Variants in CHTF18 observed in about 807,000 individuals in gnomAD.
The protein encoded by CHTF18 is chromosome transmission fidelity factor 18.
Under a neutral mutation model 113.4 loss-of-function variants are expected in CHTF18, and 151 were observed. The observed-to-expected ratio is 1.33, with a 90% CI of 1.17 to 1.52. The LOEUF is 1.52. CHTF18 is among the 40% of genes most tolerant of loss of function. The pLI, the probability that CHTF18 is intolerant of heterozygous loss-of-function variation, is 0.00. For synonymous variants in CHTF18, 916 were observed against 598.8 expected (o/e 1.53, Z -7.74); for missense variants, 1,982 against 1,381.6 (o/e 1.43, Z -6.89).
In CHTF18 at chr16:789,205, C is replaced by T. The variant is rs758048344; in HGVS notation, c.287-5C>T. 3.9e-6 allele frequency: 6 copies of T among 1,550,842 alleles called. No individual in the cohort carries two copies. The highest frequency in any genetic ancestry group is 3.6e-5 in the South Asian group (3 of 84,166). On this transcript the variant is annotated splice_polypyrimidine_tract_variant and splice_region_variant and intron_variant, in intron 2 of 21. Coordinates refer to ENST00000262315, the MANE Select transcript of CHTF18 (RefSeq NM_022092.3). ...CCTCTGGTTCCCTGCATGTGTCTCCCCCAGCCCCCAGGATCAAACGGCCTA... is the reference window on the plus strand; with the variant it reads ...CCTCTGGTTCCCTGCATGTGTCTCCTCCAGCCCCCAGGATCAAACGGCCTA...
rs1276337829 is a variant in CHTF18, at chr16:792,440, C to T, written c.1328C>T (p.Ala443Val). Residue 443 changes from alanine to valine, a missense_variant and splice_region_variant, in exon 11 of 22, where the codon GCC (alanine) becomes GTC (valine). Transcript: ENST00000262315. Reference protein sequence around the residue: ...VIDEIDGAPVAAINVLLSILN... With the variant: ...VIDEIDGAPVVAINVLLSILN... The stretch of plus-strand genomic sequence containing the variant: ...CCGTGTCCTCTGACCTCCCCCAAGG[C>T]CGCCATCAACGTCCTCCTGAGCATC... 1.9e-6 allele frequency: 3 copies of T among 1,561,310 alleles called. No individual in the cohort carries two copies. Among genetic ancestry groups the T allele is most frequent in the African/African-American group, 1.4e-5 (1 of 73,684 alleles).
rs755404794 is a variant in CHTF18 at position 793,126 on chromosome 16, C to T, written c.1672-18C>T. On this transcript the variant is annotated intron_variant, in intron 13 of 21. Coordinates refer to ENST00000262315, the MANE Select transcript of CHTF18 (RefSeq NM_022092.3). Reference sequence around the variant, plus strand: ...GGTCAGGAGTTGGCCGCTTCTCATGCCCCCGCCCTATGTCTAGTTCCTGTA... The same window carrying T: ...GGTCAGGAGTTGGCCGCTTCTCATGTCCCCGCCCTATGTCTAGTTCCTGTA... 40 of 1,584,638 alleles carry T rather than the reference C, an allele frequency of 2.5e-5. No homozygotes were observed. Among genetic ancestry groups the T allele is most frequent in the Middle Eastern group, 2.0e-4 (1 of 5,114 alleles).
At chr16:791,736 A>G (rs2042201747) in intron 8 of CHTF18, 115 bp from the exon 9 acceptor site, 9 of 1,456,214 alleles carry the variant, frequency 6.2e-6, no homozygotes, top group Non-Finnish European at 7.2e-6. Flanking sequence ...TGATGGCTGG[A>G]GTGGGGTGGA....
Position 789,563 on chromosome 16 carries a change from G to A in CHTF18, c.454G>A (p.Ala152Thr). The A allele has an allele frequency of 6.2e-7, 1 of 1,602,842 alleles. No individual in the cohort carries two copies. Among genetic ancestry groups the A allele is most frequent in the Non-Finnish European group, 8.5e-7 (1 of 1,175,874 alleles). Reference protein sequence around the residue: ...LWGHGVSEAAADVGLTRASPA... With the variant: ...LWGHGVSEAATDVGLTRASPA... ...TCTCTCCAGAGTCTCAGAAGCTGCT[G>A]CCGACGTGGGTCTCACACGGGCCTC... The change falls in exon 4 of 22, where the codon GCC (alanine) becomes ACC (threonine). Residue 152 changes from alanine to threonine, a missense_variant. Transcript: ENST00000262315.
chr16:797,762 GGGTGTTGT>G lies in CHTF18; in HGVS notation c.2791+14_2791+21del. 1.2e-6 allele frequency: 2 copies of G among 1,610,178 alleles called. No homozygotes were observed. Among genetic ancestry groups the G allele is most frequent in the Non-Finnish European group, 1.7e-6 (2 of 1,179,470 alleles). On this transcript the variant is annotated intron_variant, in intron 21 of 21. Transcript: ENST00000262315. ...CAGTCCCGAGTGCAGGTGTGTGTGG[GGGTGTTGT>G]GGGGTTGTGGGGGGCCTGGGGGTTG...
chr16:794,773 GC>G, intron 15 of CHTF18: 1 of 299,436 alleles, frequency 3.3e-6, no homozygotes, highest in Non-Finnish European at 6.3e-6. Flanking sequence ...ACTCTGGTGG[GC>G]GGAACTTCCT....
Position 789,360 on chromosome 16 carries a change from G to A in CHTF18, c.437G>A (p.Gly146Glu), listed in dbSNP as rs764038106. 12 of 1,584,490 alleles carry A rather than the reference G, an allele frequency of 7.6e-6. No homozygotes were observed. Among genetic ancestry groups the A allele is most frequent in the Non-Finnish European group, 1.0e-5 (12 of 1,166,562 alleles). Residue 146 changes from glycine to glutamate, a missense_variant and splice_region_variant, in exon 3 of 22, where the codon GGA becomes GAA. Coordinates refer to ENST00000262315, the MANE Select transcript of CHTF18 (RefSeq NM_022092.3). ...GACCTCGCAGAGCTTTGGGGCCACG[G>A]GTGTGTGGCTTGGACATGGGCGTCC... ...PEDLAELWGHGVSEAAADVGL... is the reference protein window; with the variant it reads ...PEDLAELWGHEVSEAAADVGL...
chr16:797,027 C>T lies in CHTF18; in HGVS notation c.2668C>T (p.Pro890Ser). The T allele has an allele frequency of 6.4e-7, 1 of 1,560,038 alleles. No homozygotes were observed. Among genetic ancestry groups the T allele is most frequent in the Non-Finnish European group, 8.7e-7 (1 of 1,152,644 alleles). Residue 890 changes from proline to serine, a missense_variant, in exon 20 of 22, where the codon CCT becomes TCT. By Grantham distance (74) the Pro-to-Ser change is moderately conservative. Coordinates refer to ENST00000262315, the MANE Select transcript of CHTF18 (RefSeq NM_022092.3). ...GGIGEKGVHR[P>S]APRNHEQRLE... ...CATTGGGGAGAAAGGGGTGCACCGA[C>T]CTGCCCCACGCAACCATGAGCAGCG...
In CHTF18 at chr16:796,991, C is replaced by T. The variant is rs1449899072; in HGVS notation, c.2632C>T (p.Leu878=). ...VDGSPPGLEG[L]LGGIGEKGVH... ...TGGGAGCCCCCCAGGGCTCGAGGGT[C>T]TGCTGGGGGGCATTGGGGAGAAAGG... is the stretch of plus-strand genomic sequence containing the variant. Residue 878 remains leucine (L), a synonymous_variant, in exon 20 of 22, where the codon CTG becomes TTG. Coordinates refer to ENST00000262315, the MANE Select transcript of CHTF18 (RefSeq NM_022092.3). 1.3e-6 allele frequency: 2 copies of T among 1,539,164 alleles called. No homozygotes were observed. Among genetic ancestry groups the T allele is most frequent in the Non-Finnish European group, 1.8e-6 (2 of 1,142,090 alleles).
At chr16:790,777 T>C (rs1273128310) in intron 7 of CHTF18, 111 bp downstream of exon 7, 1 of 1,437,856 alleles carries the variant, frequency 7.0e-7, no homozygotes, top group Admixed American at 2.9e-5. Flanking sequence ...GGAGACGGAG[T>C]GGGCTCTGGT....
rs899530681 is a variant in CHTF18 at position 793,578 on chromosome 16, C to T, written c.1802+304C>T. 66 of 554,360 alleles carry T rather than the reference C, an allele frequency of 1.2e-4. No individual in the cohort carries two copies. In the South Asian group the frequency reaches 1.3e-3, roughly 11 times the overall value. 34.3% of individuals were successfully genotyped at this position (554,360 alleles called of 1,614,324 possible). On this transcript the variant is annotated intron_variant, in intron 14 of 21. Transcript: ENST00000262315. ...TGACTCAGCTGCTGTCCCAGTTGCA[C>T]CCTCATTTTTGCCACATTTGGCCTG...
At position 790,113 on chromosome 16, in the gene CHTF18, G is replaced by A. The variant is rs769201550; in HGVS notation, c.607-64G>A. 1.0e-5 allele frequency: 16 copies of A among 1,543,766 alleles called. 1 individual carries two copies. The highest frequency in any genetic ancestry group is 1.2e-5 in the Non-Finnish European group (14 of 1,147,788). ...CCACCCGGGTCCCTGAGCACTGATG[G>A]GGGCTGACGTGAATCCTGTGACCTA... is the stretch of plus-strand genomic sequence containing the variant. On this transcript the variant is annotated intron_variant, in intron 4 of 21. Coordinates refer to ENST00000262315, the MANE Select transcript of CHTF18 (RefSeq NM_022092.3).
rs745495382 is a variant in CHTF18, at chr16:795,324, C to G, written c.2143C>G (p.Pro715Ala). Reference sequence around the variant, plus strand: ...TGTGCTGTTTGCTTCCAGCCACACACCCAGGATCACCTTCCCCAGCAGCCA... The same window carrying G: ...TGTGCTGTTTGCTTCCAGCCACACAGCCAGGATCACCTTCCCCAGCAGCCA... The part of the protein sequence containing the change: ...FHVLFASSHT[P>A]RITFPSSQQE... Residue 715 changes from proline to alanine, a missense_variant, in exon 16 of 22, where the codon CCC becomes GCC. Transcript: ENST00000262315. The G allele has an allele frequency of 1.3e-6, 2 of 1,548,212 alleles. No homozygotes were observed. Among genetic ancestry groups the G allele is most frequent in the African/African-American group, 2.7e-5 (2 of 72,898 alleles).
At chr16:790,940 C>T (rs531219172) in intron 7 of CHTF18, 4 of 1,434,758 alleles carry the variant, frequency 2.8e-6, no homozygotes, top group East Asian at 2.5e-5. Flanking sequence ...CTGGAGTGCC[C>T]CTGGGGAGGG....
rs1327366762 is a variant in CHTF18 at position 791,240 on chromosome 16, C to T, written c.974C>T (p.Pro325Leu). 6.2e-7 allele frequency: 1 copy of T among 1,611,076 alleles called. No individual in the cohort carries two copies. Among genetic ancestry groups the T allele is most frequent in the Non-Finnish European group, 8.5e-7 (1 of 1,179,378 alleles). The change falls in exon 8 of 22, where the codon CCC becomes CTC. Residue 325 changes from proline to leucine, a missense_variant. Pro to Leu is a moderately conservative substitution (Grantham distance 98, BLOSUM62 -3). Transcript: ENST00000262315. ...GGCCACGAGAGGCCTTCCCGGAAGC[C>T]CAGGCCCAGTGTTGAGCCGGCCCGG... is the stretch of plus-strand genomic sequence containing the variant. ...VFGHERPSRK[P>L]RPSVEPARVS...
chr16:792,221 C>T lies in CHTF18; in HGVS notation c.1203-3C>T. The T allele has an allele frequency of 6.4e-7, 1 of 1,570,926 alleles. No individual in the cohort carries two copies. The highest frequency in any genetic ancestry group is 1.8e-5 in the Admixed American group (1 of 54,796). On this transcript the variant is annotated splice_region_variant and splice_polypyrimidine_tract_variant and intron_variant, in intron 9 of 21. Transcript: ENST00000262315. ...CTGACGACCCCTGACCTCCCCATTGCAGTGACGACCGTAGCCCGGAGGTCT... is the reference window on the plus strand; with the variant it reads ...CTGACGACCCCTGACCTCCCCATTGTAGTGACGACCGTAGCCCGGAGGTCT...
rs750623703 is a variant in CHTF18, at chr16:795,935, C to T, written c.2326-12C>T. On this transcript the variant is annotated splice_polypyrimidine_tract_variant and intron_variant, in intron 17 of 21. Coordinates refer to ENST00000262315, the MANE Select transcript of CHTF18 (RefSeq NM_022092.3). ...CTGCTCAGCTCCCTGTCTGCTGCCT[C>T]CCATCCCCTAGGTGAGCACACAGCT... 9 of 1,603,616 alleles carry T rather than the reference C, an allele frequency of 5.6e-6. No individual in the cohort carries two copies. In the Admixed American group the frequency reaches 8.4e-5, roughly 15 times the overall value.
In CHTF18 at chr16:790,228, G is replaced by A. The variant is rs1231552438; in HGVS notation, c.658G>A (p.Gly220Ser). 1 of 1,606,628 alleles carries A rather than the reference G, an allele frequency of 6.2e-7. No individual in the cohort carries two copies. ...WRGGGQLDLLGVSLASLKKQV... is the reference protein window; with the variant it reads ...WRGGGQLDLLSVSLASLKKQV... ...AGGCGGTGGCCAGCTGGACCTGCTG[G>A]GTGTGTCCTTAGCCTCCCTGAAGAA... Residue 220 changes from glycine (G) to serine (S), a missense_variant, in exon 5 of 22, where the codon GGT becomes AGT. Coordinates refer to ENST00000262315, the MANE Select transcript of CHTF18 (RefSeq NM_022092.3).
Position 795,807 on chromosome 16 carries a change from G to A in CHTF18, c.2298G>A (p.Leu766=), listed in dbSNP as rs2042327601. ...TCCTCGATGCCCTCTGCCTGCTCCT[G>A]GACATTCTTGCACCCAAGCTCCGCC... The part of the protein sequence containing the change: ...ALLLDALCLL[L]DILAPKLRPV... Residue 766 remains leucine, a synonymous_variant, in exon 17 of 22, where the codon CTG becomes CTA. Transcript: ENST00000262315. 1 of 1,609,882 alleles carries A rather than the reference G, an allele frequency of 6.2e-7. No individual in the cohort carries two copies. The highest frequency in any genetic ancestry group is 8.5e-7 in the Non-Finnish European group (1 of 1,178,986).
Sources: allele counts gnomAD v4.1 joint callset, GRCh38; gene constraint gnomAD v4.1.1; transcripts MANE v1.5; gene names NCBI Gene and HGNC (gene_info 2026-07-23, HGNC 2026-07-21).